The following EEF2KMT variants were observed in gnomAD, a reference collection of about 807,000 sequenced individuals.
EEF2KMT encodes the protein protein-lysine N-methyltransferase EEF2KMT.
Under a neutral mutation model 35.1 loss-of-function variants are expected in EEF2KMT, and 30 were observed. That is an observed-to-expected ratio of 0.85 (90% CI 0.64 to 1.16). EEF2KMT has a LOEUF of 1.16. EEF2KMT is among the 50% of genes most tolerant of loss of function. EEF2KMT has a pLI of 0.00. For synonymous variants in EEF2KMT, 190 were observed against 187.7 expected, an observed-to-expected ratio of 1.01 and a Z score of -0.10; for missense variants, 499 against 438.2, an observed-to-expected ratio of 1.14 and a Z score of -1.24.
At chr16:5,089,848 T>C (rs192301159) in intron 6 of EEF2KMT, among the ~76,000 whole-genome samples, 2 of 152,192 alleles carry the variant, frequency 1.3e-5, no homozygotes, top group Admixed American at 6.5e-5. Flanking sequence ...GACAGAGCCA[T>C]GTGGTAACGA....
At position 5,097,675 on chromosome 16, in the gene EEF2KMT, G is replaced by T. The variant is rs754219488; in HGVS notation, c.65C>A (p.Ala22Glu). 10 of 1,578,932 alleles carry T rather than the reference G, an allele frequency of 6.3e-6. No homozygotes were observed. The highest frequency in any genetic ancestry group is 5.4e-5 in the Admixed American group (3 of 56,062). ...LLQSFERRFLAARTLRSFPWQ... is the reference protein window; with the variant it reads ...LLQSFERRFLEARTLRSFPWQ... The stretch of plus-strand genomic sequence containing the variant: ...GGGGAAGGAGCGCAGTGTGCGTGCC[G>T]CCAGGAAGCGGCGCTCGAAACTCTG... The change falls in exon 1 of 8, where the codon GCG (alanine) becomes GAG (glutamate). Residue 22 changes from alanine (A) to glutamate (E), a missense_variant. Ala to Glu is a moderately radical substitution (Grantham distance 107, BLOSUM62 -1). Transcript: ENST00000427587.
Position 5,090,014 on chromosome 16 carries a change from T to C in EEF2KMT, c.742+70A>G. On this transcript the variant is annotated intron_variant, in intron 6 of 7. Coordinates refer to ENST00000427587, the MANE Select transcript of EEF2KMT (RefSeq NM_201400.4). The surrounding 1 kb of genome is among the most constrained non-coding windows in gnomAD (Gnocchi z 4.1). ...CCCGACAGCGTCCATTGTTCCCTTTTCCCAGAGCCAAGAGCTGGGTAGAGC... is the reference window on the plus strand; with the variant it reads ...CCCGACAGCGTCCATTGTTCCCTTTCCCCAGAGCCAAGAGCTGGGTAGAGC... The C allele has an allele frequency of 6.3e-7, 1 of 1,591,208 alleles. No homozygotes were observed. The highest frequency in any genetic ancestry group is 1.1e-5 in the South Asian group (1 of 90,198).
chr16:5,091,937 A>G (rs545236559), intron 3 of EEF2KMT, 42 bp from the exon 4 acceptor site: 101 of 1,609,212 alleles, frequency 6.3e-5, no homozygotes, highest in Non-Finnish European at 8.1e-5. Flanking sequence ...TTTCGTTCTA[A>G]TCTGTAAAAA....
At chr16:5,097,506 GGGTCGCGCGGCC>G (rs1384206050) in intron 1 of EEF2KMT, 126 bp downstream of exon 1, 2 of 1,446,408 alleles carry the variant, frequency 1.4e-6, no homozygotes, top group African/African-American at 1.4e-5. Flanking sequence ...GACGGGGACC[GGGTCGCGCGGCC>G]CTGACCGGCG....
intron 3 of EEF2KMT, among the ~76,000 whole-genome samples, chr16:5,093,061 G>C (rs932285756): frequency 2.6e-5 from 4 of 152,252 alleles, no homozygotes; most frequent in Non-Finnish European, 4.4e-5. Context: ...AGAGGAACTA[G>C]TTCCGAAGGT....
At position 5,085,104 on chromosome 16, in the gene EEF2KMT, G is replaced by A. The variant is rs1368759470; in HGVS notation, c.*528C>T. The A allele has an allele frequency of 3.9e-6, 3 of 765,348 alleles. No individual in the cohort carries two copies. Among genetic ancestry groups the A allele is most frequent in the Non-Finnish European group, 6.3e-6 (3 of 479,896 alleles). 47.4% of individuals were successfully genotyped at this position (765,348 alleles called of 1,614,324 possible). Reference sequence around the variant, plus strand: ...TTGGAAACGCTTCCTCTCTTCTTCTGTTCTTCACGCCCCATGCCCCTGCTA... The same window carrying A: ...TTGGAAACGCTTCCTCTCTTCTTCTATTCTTCACGCCCCATGCCCCTGCTA... On this transcript the variant is annotated 3_prime_UTR_variant, in exon 8 of 8. Transcript: ENST00000427587.
intron 3 of EEF2KMT, 90 bp downstream of exon 3, chr16:5,093,394 A>C: frequency 1.3e-6 from 2 of 1,595,132 alleles, no homozygotes; most frequent in East Asian, 2.3e-5. Context: ...GGGGTTTGCA[A>C]AGCAGGCCCA....
intron 1 of EEF2KMT, chr16:5,097,354 C>T (rs1399728591): frequency 1.4e-6 from 2 of 1,452,828 alleles, no homozygotes; most frequent in East Asian, 3.0e-5. Flanking sequence ...CGATTACTGC[C>T]TTTAAAAAGT....
chr16:5,094,497 A>G (rs1348523035), intron 2 of EEF2KMT, among the ~76,000 whole-genome samples: 1 of 152,164 alleles, frequency 6.6e-6, no homozygotes, highest in Non-Finnish European at 1.5e-5. Context: ...TCCTGACCTT[A>G]GGTGATCTGT....
chr16:5,092,032 C>G (rs1239789253), intron 3 of EEF2KMT, 137 bp from the exon 4 acceptor site: 2 of 1,489,064 alleles, frequency 1.3e-6, no homozygotes, highest in African/African-American at 1.4e-5. Flanking sequence ...AAAATATTCA[C>G]TTCGTTGGGC....
In EEF2KMT at chr16:5,093,476, T is replaced by C; in HGVS notation, c.240+8A>G. ...CCGGCTACTGGGCGGACACTGCCCA[T>C]AACTGACCTTTTTGATGAGTTCTGA... On this transcript the variant is annotated splice_region_variant and intron_variant, in intron 3 of 7. Transcript: ENST00000427587. The C allele has an allele frequency of 1.2e-6, 2 of 1,612,012 alleles. No homozygotes were observed. The highest frequency in any genetic ancestry group is 1.7e-6 in the Non-Finnish European group (2 of 1,179,854).
Position 5,085,614 on chromosome 16 carries a change from T to C in EEF2KMT, c.*18A>G, listed in dbSNP as rs781779977. 1 of 1,522,388 alleles carries C rather than the reference T, an allele frequency of 6.6e-7. No homozygotes were observed. The highest frequency in any genetic ancestry group is 9.1e-7 in the Non-Finnish European group (1 of 1,098,040). The allele number at this position is 1,522,388 out of a possible 1,614,324, so 94.3% of individuals were successfully genotyped here. On this transcript the variant is annotated 3_prime_UTR_variant, in exon 8 of 8. Transcript: ENST00000427587. ...AGTGACTTGATTCTCACAATCCCGT[T>C]GGAGTCGTGTGTGAGTCCTACAGGG... is the stretch of plus-strand genomic sequence containing the variant.
chr16:5,091,989 A>G (rs1957349693), intron 3 of EEF2KMT, 94 bp from the exon 4 acceptor site: 11 of 1,572,510 alleles, frequency 7.0e-6, no homozygotes, highest in Non-Finnish European at 9.5e-6. Flanking sequence ...GAGATTTGCG[A>G]TGGAATGGTA....
intron 6 of EEF2KMT, 92 bp downstream of exon 6, chr16:5,089,992 G>A (rs1596274015): frequency 2.2e-5 from 35 of 1,557,916 alleles, no homozygotes; most frequent in Non-Finnish European, 2.8e-5. Flanking sequence ...GTCCATGCCC[G>A]ACAGCGTCCA....
intron 1 of EEF2KMT, 164 bp downstream of exon 1, chr16:5,097,479 TC>T (rs1461382275): frequency 7.0e-7 from 1 of 1,423,264 alleles, no homozygotes; most frequent in Admixed American, 2.5e-5. Flanking sequence ...TGCGAGCGAC[TC>T]TGGCCAGGCC....
At chr16:5,087,414 C>T (rs1957218579) in intron 7 of EEF2KMT, 1 of 152,166 alleles carries the variant, frequency 6.6e-6, no homozygotes, top group Non-Finnish European at 1.5e-5. Flanking sequence ...CCACAAACTC[C>T]TGGGCTTAAG....
chr16:5,090,555 C>T lies in EEF2KMT; in HGVS notation c.353G>A (p.Gly118Asp), dbSNP rs375999506. 18 of 1,611,818 alleles carry T rather than the reference C, an allele frequency of 1.1e-5. No homozygotes were observed. The East Asian group carries it at 1.3e-4, about 12-fold the overall frequency. Residue 118 changes from glycine to aspartate, a missense_variant, in exon 5 of 8, where the codon GGC becomes GAC. By Grantham distance (94) the Gly-to-Asp change is moderately conservative. Transcript: ENST00000427587. This position sits in a 1 kb window ranked among gnomAD's most constrained non-coding sequence, Gnocchi z 4.1. ...CGTGCTCTCGGAGAGTGTGACCGAG[C>T]CTCCCGAGGGCTGCACCAAGAGAAG... is the stretch of plus-strand genomic sequence containing the variant. ...GHRSYLLPSGGSVTLSESTAI... is the reference protein window; with the variant it reads ...GHRSYLLPSGDSVTLSESTAI...
Position 5,085,568 on chromosome 16 carries a change from T to C in EEF2KMT, c.*64A>G, listed in dbSNP as rs1466965729. ...AATGAAAGTTTTATCCGCTTTCCCATATAAAAATTCTTCCCATGAGAGTGA... is the reference window on the plus strand; with the variant it reads ...AATGAAAGTTTTATCCGCTTTCCCACATAAAAATTCTTCCCATGAGAGTGA... On this transcript the variant is annotated 3_prime_UTR_variant, in exon 8 of 8. Transcript: ENST00000427587. The C allele has an allele frequency of 6.8e-6, 8 of 1,169,050 alleles. No individual in the cohort carries two copies. In the Admixed American group the frequency reaches 1.2e-4, roughly 17 times the overall value. 72.4% of individuals were successfully genotyped at this position (1,169,050 alleles called of 1,614,324 possible). A position where few individuals can be genotyped will look rare whatever the true frequency, so the allele number is the denominator to read the frequency against.
chr16:5,089,274 G>C lies in EEF2KMT; in HGVS notation c.743-18C>G, dbSNP rs1442585950. ...CAGCACATCTATGGTGAAAGCTTCA[G>C]GTTACTGAAAGGGACCAGTGGACAG... is the stretch of plus-strand genomic sequence containing the variant. On this transcript the variant is annotated intron_variant, in intron 6 of 7. Coordinates refer to ENST00000427587, the MANE Select transcript of EEF2KMT (RefSeq NM_201400.4). 3.7e-6 allele frequency: 6 copies of C among 1,601,082 alleles called. No individual in the cohort carries two copies. In the African/African-American group the frequency reaches 4.0e-5, roughly 11 times the overall value.
Sources: allele counts gnomAD v4.1 joint callset (sites outside exome capture counted in the v4.1 genomes callset), GRCh38; gene constraint gnomAD v4.1.1; non-coding constraint Gnocchi (gnomAD v3.1); transcripts MANE v1.5; gene names NCBI Gene and HGNC (gene_info 2026-07-23, HGNC 2026-07-21).